The following SEMA3E variants were observed in gnomAD, a reference collection of about 807,000 sequenced individuals.
SEMA3E encodes the protein semaphorin 3E, also known as semaphorin-3E.
In SEMA3E, 49 loss-of-function variants were observed where a neutral mutation model predicts 93.6. The observed-to-expected ratio is 0.52, with a 90% CI of 0.42 to 0.66. The LOEUF is 0.66. Among genes scored for constraint, SEMA3E ranks in the 30% least tolerant of loss-of-function variants. The pLI is 0.00. For synonymous variants in SEMA3E, 363 were observed against 330.7 expected (o/e 1.10, Z -1.06); for missense variants, 906 against 964.8 (o/e 0.94, Z 0.81).
chr7:83,412,551 GC>G (rs1479178432), intron 5 of SEMA3E, among the ~76,000 whole-genome samples: 1 of 151,858 alleles, frequency 6.6e-6, no homozygotes, highest in African/African-American at 2.4e-5. Context: ...TTCAAGATCA[GC>G]CTGGGCAACA....
intron 4 of SEMA3E, among the ~76,000 whole-genome samples, chr7:83,446,484 C>T (rs1210207577): frequency 6.6e-6 from 1 of 152,150 alleles, no homozygotes; most frequent in East Asian, 1.9e-4. Flanking sequence ...AGTGAGGTCT[C>T]CCCTGTGTCA....
chr7:83,464,963 C>A lies in SEMA3E; in HGVS notation c.456+1519G>T, dbSNP rs534844312. On this transcript the variant is annotated intron_variant, in intron 4 of 16. Coordinates refer to ENST00000643230, the MANE Select transcript of SEMA3E (RefSeq NM_012431.3). ...GTCAGGCCTCTGAGCCCAAGCCAAG[C>A]CATCGCATCCCGTGACTTGCACGTA... Among the ~76,000 whole-genome samples the A allele has an allele frequency of 2.3e-4, 35 of 151,834 alleles. No homozygotes were observed. In the South Asian group the frequency reaches 6.9e-3, roughly 30 times the overall value.
chr7:83,383,521 C>T lies in SEMA3E; in HGVS notation c.1875+1773G>A, dbSNP rs560517006. On this transcript the variant is annotated intron_variant, in intron 16 of 16. Coordinates refer to ENST00000643230, the MANE Select transcript of SEMA3E (RefSeq NM_012431.3). ...TAAATCAATCCGTATATAGCTAGGT[C>T]CTTAAAAGCCAAGTATTATTATTAG... is the stretch of plus-strand genomic sequence containing the variant. 2.0e-5 allele frequency among the ~76,000 whole-genome samples: 3 copies of T among 151,840 alleles called. No homozygotes were observed. The South Asian group carries it at 6.2e-4, about 32-fold the overall frequency.
chr7:83,560,536 G>A (rs181908347), intron 1 of SEMA3E, among the ~76,000 whole-genome samples: 4 of 151,958 alleles, frequency 2.6e-5, no homozygotes, highest in African/African-American at 9.7e-5. Flanking sequence ...TTGCCTTGTG[G>A]ATAGATATGT....
At chr7:83,529,420 C>T (rs1160591487) in intron 1 of SEMA3E, among the ~76,000 whole-genome samples, 1 of 151,930 alleles carries the variant, frequency 6.6e-6, no homozygotes. Flanking sequence ...ATTTGAGCTG[C>T]CCGTCAAAAA....
chr7:83,634,641 T>C (rs892639106), intron 1 of SEMA3E, among the ~76,000 whole-genome samples: 1 of 152,066 alleles, frequency 6.6e-6, no homozygotes, highest in African/African-American at 2.4e-5. Context: ...TTAAATATTA[T>C]TACAAGCGAA....
chr7:83,530,769 T>C (rs1791275753), intron 1 of SEMA3E, among the ~76,000 whole-genome samples: 1 of 151,724 alleles, frequency 6.6e-6, no homozygotes, highest in Non-Finnish European at 1.5e-5. Flanking sequence ...TCCCAGCTAC[T>C]AGGGAGGCTG....
intron 1 of SEMA3E, among the ~76,000 whole-genome samples, chr7:83,520,050 C>T (rs184368760): frequency 1.7e-4 from 26 of 152,206 alleles, no homozygotes; most frequent in Middle Eastern, 6.8e-3. Context: ...ATAAGGCTTA[C>T]GATAAAATCA....
chr7:83,460,751 C>T (rs908784157), intron 4 of SEMA3E, among the ~76,000 whole-genome samples: 7 of 150,898 alleles, frequency 4.6e-5, no homozygotes, highest in African/African-American at 1.7e-4. Flanking sequence ...GGCCCCTTAT[C>T]TCCGTGCCCC....
chr7:83,616,599 A>C (rs1793372052), intron 1 of SEMA3E: 1 of 358,180 alleles, frequency 2.8e-6, no homozygotes, highest in African/African-American at 2.2e-5. Flanking sequence ...TAAAACTTCT[A>C]CTTTATTCTT....
At chr7:83,475,454 C>T (rs1789990091) in intron 2 of SEMA3E, among the ~76,000 whole-genome samples, 1 of 152,094 alleles carries the variant, frequency 6.6e-6, no homozygotes, top group Non-Finnish European at 1.5e-5. Context: ...AGTAAAGATT[C>T]GATCTCCCCC....
intron 16 of SEMA3E, among the ~76,000 whole-genome samples, chr7:83,371,013 C>A (rs1368812967): frequency 3.3e-5 from 5 of 151,860 alleles, no homozygotes; most frequent in African/African-American, 1.2e-4. Flanking sequence ...TAGTGTTTCT[C>A]AAACTAGCGT....
intron 4 of SEMA3E, among the ~76,000 whole-genome samples, chr7:83,440,801 C>CAAAAAAAAAA: frequency 8.1e-6 from 1 of 123,838 alleles, no homozygotes; most frequent in Admixed American, 8.0e-5. Flanking sequence ...GACTCCGTCT[C>CAAAAAAAAAA]AAAAAAAAAA....
intron 2 of SEMA3E, among the ~76,000 whole-genome samples, chr7:83,480,822 A>G (rs900064404): frequency 1.3e-5 from 2 of 152,188 alleles, no homozygotes; most frequent in Non-Finnish European, 2.9e-5. Context: ...TCCTAACCAG[A>G]AAATCTAGTC....
Position 83,402,748 on chromosome 7 carries a change from C to T in SEMA3E, c.1027G>A (p.Val343Ile). The T allele has an allele frequency of 6.2e-7, 1 of 1,612,676 alleles. No individual in the cohort carries two copies. The highest frequency in any genetic ancestry group is 8.5e-7 in the Non-Finnish European group (1 of 1,179,096). ...SNIFRGHAIC[V>I]YHMSSIRAAF... ...GCCCGAATGCTAGACATGTGATAGA[C>T]ACATATAGCATGCCCTCGAAAAATA... Residue 343 changes from valine (V) to isoleucine (I), a missense_variant, in exon 10 of 17, where the codon GTC (valine) becomes ATC (isoleucine). Physicochemically the swap from Val to Ile is conservative, Grantham distance 29. Coordinates refer to ENST00000643230, the MANE Select transcript of SEMA3E (RefSeq NM_012431.3).
chr7:83,485,381 G>A (rs1790230829), intron 2 of SEMA3E, among the ~76,000 whole-genome samples: 1 of 151,778 alleles, frequency 6.6e-6, no homozygotes, highest in African/African-American at 2.4e-5. Context: ...AAAGAAATAG[G>A]GACACAAAGG....
Position 83,533,201 on chromosome 7 carries a change from C to T in SEMA3E, c.116-42927G>A, listed in dbSNP as rs116923539. ...GTTACAACCTAAAAGGGGAAGTTCCCTTTTCTCATCTTAATTTCTGTTTGA... is the reference window on the plus strand; with the variant it reads ...GTTACAACCTAAAAGGGGAAGTTCCTTTTTCTCATCTTAATTTCTGTTTGA... On this transcript the variant is annotated intron_variant, in intron 1 of 16. Coordinates refer to ENST00000643230, the MANE Select transcript of SEMA3E (RefSeq NM_012431.3). Among the ~76,000 whole-genome samples the T allele has an allele frequency of 6.0e-4, 92 of 152,242 alleles. 2 individuals carry two copies. In the East Asian group the frequency reaches 0.015, roughly 25 times the overall value.
chr7:83,382,866 C>T (rs184572890), intron 16 of SEMA3E, among the ~76,000 whole-genome samples: 2 of 151,938 alleles, frequency 1.3e-5, no homozygotes, highest in East Asian at 1.9e-4. Flanking sequence ...AGAAAGTAGA[C>T]AATTGAGTTT....
chr7:83,595,842 GT>G (rs1792861948), intron 1 of SEMA3E, among the ~76,000 whole-genome samples: 2 of 152,002 alleles, frequency 1.3e-5, no homozygotes, highest in South Asian at 4.2e-4. Flanking sequence ...TGTCTGCCAG[GT>G]TTCTCCACTG....
Sources: allele counts gnomAD v4.1 joint callset (sites outside exome capture counted in the v4.1 genomes callset), GRCh38; gene constraint gnomAD v4.1.1; transcripts MANE v1.5; gene names NCBI Gene and HGNC (gene_info 2026-07-23, HGNC 2026-07-21).